Variants in ZNF334 observed in about 807,000 individuals in gnomAD.
The protein encoded by ZNF334 is zinc finger protein 334.
Under a neutral mutation model 12.4 loss-of-function variants are expected in ZNF334, and 14 were observed. That is an observed-to-expected ratio of 1.13 (90% confidence interval 0.74 to 1.76). ZNF334 has a LOEUF of 1.76. Among genes scored for constraint, ZNF334 ranks in the 40% most tolerant of loss-of-function variants. ZNF334 has a pLI of 0.00. For missense variants in ZNF334, 797 were observed against 804.5 expected, an observed-to-expected ratio of 0.99 and a Z score of 0.11; for synonymous variants, 273 against 269.6, an observed-to-expected ratio of 1.01 and a Z score of -0.12.
At chr20:46,464,474 C>T in the ZNF334 span, 1 of 518,430 alleles carries the variant, frequency 1.9e-6, no homozygotes, top group Non-Finnish European at 3.9e-6. Context: ...CACCTCCATG[C>T]AGATCCCACA....
the ZNF334 span, among the ~76,000 whole-genome samples, chr20:46,493,911 C>CA: frequency 1.3e-5 from 2 of 152,180 alleles, no homozygotes; most frequent in Non-Finnish European, 2.9e-5. Flanking sequence ...GCCTGGGTGA[C>CA]AGAGCGAGAC....
chr20:46,501,207 G>T lies in ZNF334; in HGVS notation c.*89C>A. On this transcript the variant is annotated 3_prime_UTR_variant, in exon 5 of 5. Transcript: ENST00000692313. ...TTTTCCATATTCATTACATTTATAA[G>T]ATTTTACTCCTCTATACATACTCAC... The T allele has an allele frequency of 3.4e-6, 5 of 1,481,730 alleles. No individual in the cohort carries two copies. Among genetic ancestry groups the T allele is most frequent in the Non-Finnish European group, 4.5e-6 (5 of 1,111,754 alleles). 91.8% of individuals were successfully genotyped at this position (1,481,730 alleles called of 1,614,324 possible).
rs756871055 is a variant in ZNF334 at position 46,502,612 on chromosome 20, T to G, written c.727A>C (p.Arg243=). The change falls in exon 5 of 5, where the codon AGG becomes CGG. Residue 243 remains arginine, a synonymous_variant. Coordinates refer to ENST00000692313, the MANE Select transcript of ZNF334 (RefSeq NM_001353824.2). The part of the protein sequence containing the change: ...ERKPNECNEC[R]KTFSKRSTLI... ...GTAGATCTCTTAGAAAAGGTTTTCCTACATTCATTACATTCATTTGGTTTC... is the reference window on the plus strand; with the variant it reads ...GTAGATCTCTTAGAAAAGGTTTTCCGACATTCATTACATTCATTTGGTTTC... 6 of 1,612,956 alleles carry G rather than the reference T, an allele frequency of 3.7e-6. No homozygotes were observed. The highest frequency in any genetic ancestry group is 5.1e-6 in the Non-Finnish European group (6 of 1,179,976).
the ZNF334 span, among the ~76,000 whole-genome samples, chr20:46,463,074 C>T: frequency 9.2e-5 from 14 of 152,208 alleles, no homozygotes; most frequent in Non-Finnish European, 1.8e-4. Context: ...TGGCGAAACC[C>T]TGTCTCTACC....
the ZNF334 span, among the ~76,000 whole-genome samples, chr20:46,488,651 C>T: frequency 6.6e-6 from 1 of 151,700 alleles, no homozygotes; most frequent in East Asian, 1.9e-4. Flanking sequence ...CATCTGGCAT[C>T]CCTTTTCTTC....
At chr20:46,506,461 A>G (rs2145976770) in intron 2 of ZNF334, 1 of 408,018 alleles carries the variant, frequency 2.5e-6, no homozygotes, top group South Asian at 9.4e-5. Context: ...CCCCATCTCT[A>G]CAAAAAAATA....
chr20:46,502,848 C>T lies in ZNF334; in HGVS notation c.491G>A (p.Gly164Glu), dbSNP rs1601026526. The change falls in exon 5 of 5, where the codon GGA (glycine) becomes GAA (glutamate). Residue 164 changes from glycine (G) to glutamate (E), a missense_variant. Transcript: ENST00000692313. ...CTCATGCTTCCCAAATCCACTGTAT[C>T]CATCAGGAATCTTTCTGTTTTCTTT... ...KSKENRKIPD[G>E]YSGFGKHEKS... is the part of the protein sequence containing the mutation. 1 of 1,613,932 alleles carries T rather than the reference C, an allele frequency of 6.2e-7. No homozygotes were observed.
In ZNF334 at chr20:46,503,013, A is replaced by T. The variant is rs746041296; in HGVS notation, c.326T>A (p.Ile109Asn). The change falls in exon 5 of 5, where the codon ATT (isoleucine) becomes AAT (asparagine). Residue 109 changes from isoleucine to asparagine, a missense_variant. By Grantham distance (149) the Ile-to-Asn change is moderately radical. Transcript: ENST00000692313. ...QTVFFSNKTL[I>N]TERENVFGKT... ...CCCAAATACATTCTCTCTTTCTGTA[A>T]TCAGTGTTTTGTTGCTGAAGAATAC... 10 of 1,613,734 alleles carry T rather than the reference A, an allele frequency of 6.2e-6. 1 individual carries two copies. The highest frequency in any genetic ancestry group is 5.5e-5 in the South Asian group (5 of 91,052).
At position 46,500,435 on chromosome 20, in the gene ZNF334, T is replaced by G. The variant is rs1353703024; in HGVS notation, c.*861A>C. The G allele has an allele frequency of 1.3e-5, 2 of 152,348 alleles. No homozygotes were observed. Among genetic ancestry groups the G allele is most frequent in the South Asian group, 4.1e-4 (2 of 4,830 alleles). The allele number at this position is 152,348 out of a possible 1,614,324, so 9.4% of individuals were successfully genotyped here. A position where few individuals can be genotyped will look rare whatever the true frequency, so the allele number is the denominator to read the frequency against. ...CAATACCTCTAATGAACATGTTGAT[T>G]AGGAAATCCAAGAGATTTTTGAAAA... On this transcript the variant is annotated 3_prime_UTR_variant, in exon 5 of 5. Transcript: ENST00000692313.
the ZNF334 span, among the ~76,000 whole-genome samples, chr20:46,473,444 C>G: frequency 6.6e-6 from 1 of 152,084 alleles, no homozygotes; most frequent in South Asian, 2.1e-4. Flanking sequence ...TTCTTGTATT[C>G]TTTTCAGTTG....
the ZNF334 span, among the ~76,000 whole-genome samples, chr20:46,479,929 A>AT: frequency 6.6e-6 from 1 of 152,224 alleles, no homozygotes; most frequent in African/African-American, 2.4e-5. Flanking sequence ...TGCCAATCAG[A>AT]TAATTTTTGA....
In ZNF334 at chr20:46,513,162, C is replaced by G. The variant is rs2061712939; in HGVS notation, c.-661G>C. 1 of 152,210 alleles carries G rather than the reference C, an allele frequency of 6.6e-6. No individual in the cohort carries two copies. The highest frequency in any genetic ancestry group is 1.5e-5 in the Non-Finnish European group (1 of 68,054). The allele number at this position is 152,210 out of a possible 1,614,324, so 9.4% of individuals were successfully genotyped here. A position where few individuals can be genotyped will look rare whatever the true frequency, so the allele number is the denominator to read the frequency against. On this transcript the variant is annotated 5_prime_UTR_variant, in exon 1 of 5. Coordinates refer to ENST00000692313, the MANE Select transcript of ZNF334 (RefSeq NM_001353824.2). ...GCTATAATAATCAATGGCTGCAAGA[C>G]TAAGTGCATCAGCAGAAGTTCTGGA...
At chr20:46,506,509 G>C (rs760537698) in intron 2 of ZNF334, 1 of 394,700 alleles carries the variant, frequency 2.5e-6, no homozygotes, top group Non-Finnish European at 4.5e-6. Context: ...TGTGCTACTC[G>C]GGTGGCTGAG....
chr20:46,476,711 C>T, the ZNF334 span, among the ~76,000 whole-genome samples: 1 of 152,138 alleles, frequency 6.6e-6, no homozygotes. Context: ...AACCCAATGC[C>T]TTCATTTTAA....
Position 46,501,305 on chromosome 20 carries a change from G to T in ZNF334, c.2034C>A (p.His678Gln). Residue 678 changes from histidine (H) to glutamine (Q), a missense_variant, in exon 5 of 5, where the codon CAC becomes CAA. Physicochemically the swap from His to Gln is conservative, Grantham distance 24. Transcript: ENST00000692313. ...ATTACTTTGTTGGAACTTATTCCTT[G>T]TGGGATTTCTGATGTAAAAGAAAGT... ...KSNFLLHQKS[H>Q]KE is the part of the protein sequence containing the mutation. 1 of 1,610,056 alleles carries T rather than the reference G, an allele frequency of 6.2e-7. No individual in the cohort carries two copies. Among genetic ancestry groups the T allele is most frequent in the Middle Eastern group, 1.7e-4 (1 of 6,052 alleles).
the ZNF334 span, among the ~76,000 whole-genome samples, chr20:46,493,557 G>A: frequency 6.6e-6 from 1 of 152,186 alleles, no homozygotes; most frequent in Admixed American, 6.5e-5. Context: ...ACTGAGGTGG[G>A]TGGATCACTT....
chr20:46,463,182 G>T, the ZNF334 span, among the ~76,000 whole-genome samples: 1 of 152,208 alleles, frequency 6.6e-6, no homozygotes, highest in Non-Finnish European at 1.5e-5. Context: ...AGGAGGGGGA[G>T]GTTGCAGTGA....
downstream of ZNF334, among the ~76,000 whole-genome samples, chr20:46,498,164 G>A (rs1601002529): frequency 6.6e-6 from 1 of 152,144 alleles, no homozygotes; most frequent in South Asian, 2.1e-4. Context: ...CATTCTTATG[G>A]TGGTTGCCTC....
At chr20:46,468,891 C>A in the ZNF334 span, among the ~76,000 whole-genome samples, 2 of 152,156 alleles carry the variant, frequency 1.3e-5, no homozygotes, top group Admixed American at 1.3e-4. Context: ...TCTTTGGTAT[C>A]ATTTCAAATT....
Sources: allele counts gnomAD v4.1 joint callset (sites outside exome capture counted in the v4.1 genomes callset), GRCh38; gene constraint gnomAD v4.1.1; transcripts MANE v1.5; gene names NCBI Gene and HGNC (gene_info 2026-07-23, HGNC 2026-07-21).